NTNG2: variants seen among roughly 807,000 people sequenced by gnomAD.
NTNG2 encodes netrin G2.
In NTNG2, 15 loss-of-function variants were observed where a neutral mutation model predicts 47.6. The ratio of observed to expected loss-of-function variants is 0.32; its 90% confidence interval spans 0.21 to 0.49. The LOEUF (loss-of-function observed/expected upper bound fraction) is 0.49, where lower values mean the gene tolerates loss of function less well. NTNG2 is among the 20% of genes least tolerant of loss of function. NTNG2 has a pLI of 0.99. For missense variants in NTNG2, 578 were observed against 764.6 expected (o/e 0.76, Z 2.88); for synonymous variants, 307 against 324.6 (o/e 0.95, Z 0.58).
At chr9:132,241,162 G>T (rs1209611533) in intron 7 of NTNG2, 118 bp downstream of exon 7, 2 of 1,296,248 alleles carry the variant, frequency 1.5e-6, no homozygotes, top group Non-Finnish European at 2.1e-6. Context: ...CTAGCAAGAC[G>T]GGGCAGGGCC....
chr9:132,174,853 T>G (rs1836294620), intron 2 of NTNG2, among the ~76,000 whole-genome samples: 1 of 150,238 alleles, frequency 6.7e-6, no homozygotes, highest in Non-Finnish European at 1.5e-5. Flanking sequence ...ACCTGGGAGG[T>G]GGGGTTTGTA....
rs144232110 is a variant in NTNG2, at chr9:132,212,331, C to T, written c.857+13722C>T. Among the ~76,000 whole-genome samples, 1,107 of 152,292 alleles carry T rather than the reference C, an allele frequency of 7.3e-3. 28 individuals carry two copies. Among genetic ancestry groups the T allele is most frequent in the Admixed American group, 0.042 (644 of 15,298 alleles). On this transcript the variant is annotated intron_variant, in intron 3 of 7. Coordinates refer to ENST00000393229, the MANE Select transcript of NTNG2 (RefSeq NM_032536.4). The stretch of plus-strand genomic sequence containing the variant: ...CCGCACACCCAAGCCTCCCAGCACC[C>T]GCCCGTCAGCCTCTGTGTTGTGTGC...
At position 132,237,966 on chromosome 9, in the gene NTNG2, C is replaced by T. The variant is rs570598062; in HGVS notation, c.1055-1138C>T. 2.0e-5 allele frequency among the ~76,000 whole-genome samples: 3 copies of T among 152,316 alleles called. No homozygotes were observed. In the South Asian group the frequency reaches 6.2e-4, roughly 32 times the overall value. ...GCCCACAGGTGGGAGTGCCCACCAT[C>T]TCTCCTGGGCACAGGCTGTTTCTCT... On this transcript the variant is annotated intron_variant, in intron 5 of 7. Coordinates refer to ENST00000393229, the MANE Select transcript of NTNG2 (RefSeq NM_032536.4).
intron 2 of NTNG2, among the ~76,000 whole-genome samples, chr9:132,176,273 C>G (rs1836446306): frequency 6.6e-6 from 1 of 152,156 alleles, no homozygotes; most frequent in Non-Finnish European, 1.5e-5. Context: ...CAATGTTGTG[C>G]AACCAGCATC....
chr9:132,198,353 C>T lies in NTNG2; in HGVS notation c.601C>T (p.Arg201Cys), dbSNP rs1357804822. The change falls in exon 3 of 8, where the codon CGC becomes TGC. Residue 201 changes from arginine to cysteine, a missense_variant. Transcript: ENST00000393229. ...HRVLCTEEYS[R>C]WAGSKKEKHV... is the part of the protein sequence containing the mutation. ...CGTGCTCTGCACCGAGGAGTACTCG[C>T]GCTGGGCAGGCTCCAAGAAGGAGAA... 3.1e-6 allele frequency: 5 copies of T among 1,612,898 alleles called. No individual in the cohort carries two copies. The highest frequency in any genetic ancestry group is 2.2e-5 in the East Asian group (1 of 44,880).
At chr9:132,196,351 CG>C (rs1838317163) in intron 2 of NTNG2, among the ~76,000 whole-genome samples, 2 of 152,084 alleles carry the variant, frequency 1.3e-5, no homozygotes, top group African/African-American at 4.8e-5. Flanking sequence ...CCACCACGCC[CG>C]GGTAATTTTT....
At chr9:132,220,368 T>TG (rs1215367004) in intron 3 of NTNG2, among the ~76,000 whole-genome samples, 1 of 152,182 alleles carries the variant, frequency 6.6e-6, no homozygotes. Flanking sequence ...TTATCTATTT[T>TG]TTTTTCTTCT....
At chr9:132,239,427 G>A (rs1281997459) in intron 6 of NTNG2, among the ~76,000 whole-genome samples, 156 bp downstream of exon 6, 1 of 152,224 alleles carries the variant, frequency 6.6e-6, no homozygotes, top group African/African-American at 2.4e-5. Flanking sequence ...CATCTCTAAG[G>A]ACAGAAAGCT....
chr9:132,185,420 GA>G (rs1837288621), intron 2 of NTNG2, among the ~76,000 whole-genome samples: 1 of 152,178 alleles, frequency 6.6e-6, no homozygotes, highest in Admixed American at 6.5e-5. Context: ...CCCCGGCACT[GA>G]AACCCTCACA....
At chr9:132,230,713 A>G in intron 5 of NTNG2, 118 bp downstream of exon 5, 3 of 1,018,528 alleles carry the variant, frequency 2.9e-6, no homozygotes, top group South Asian at 1.4e-5. Context: ...ACTTGGGCCT[A>G]TTCACTCCCT....
chr9:132,163,306 G>C lies in NTNG2; in HGVS notation c.-484+1067G>C, dbSNP rs1218150122. ...CTCGACCCCGCCCGCGGCCCGCCGG[G>C]ACCCACCCGGGAGCTGCTGCTCGCG... On this transcript the variant is annotated intron_variant, in intron 1 of 7. Coordinates refer to ENST00000393229, the MANE Select transcript of NTNG2 (RefSeq NM_032536.4). The surrounding 1 kb of genome is among the most constrained non-coding windows in gnomAD (Gnocchi z 7.2). Among the ~76,000 whole-genome samples, 1 of 151,520 alleles carries C rather than the reference G, an allele frequency of 6.6e-6. No homozygotes were observed. The highest frequency in any genetic ancestry group is 2.4e-5 in the African/African-American group (1 of 41,254).
rs897646112 is a variant in NTNG2, at chr9:132,215,206, A to G, written c.858-11643A>G. Among the ~76,000 whole-genome samples, 1 of 152,062 alleles carries G rather than the reference A, an allele frequency of 6.6e-6. No homozygotes were observed. Among genetic ancestry groups the G allele is most frequent in the African/African-American group, 2.4e-5 (1 of 41,402 alleles). On this transcript the variant is annotated intron_variant, in intron 3 of 7. Transcript: ENST00000393229. The surrounding 1 kb of genome is among the most constrained non-coding windows in gnomAD (Gnocchi z 4.2). Reference sequence around the variant, plus strand: ...CCACTGCACCAGGCCTAAAATTCAAATGTAACTCAGTGTCCTGTATTTTTA... The same window carrying G: ...CCACTGCACCAGGCCTAAAATTCAAGTGTAACTCAGTGTCCTGTATTTTTA...
chr9:132,180,773 A>T lies in NTNG2; in HGVS notation c.213+13729A>T, dbSNP rs749530960. ...GACCCAGAGGGGAGAAATGCAGGGAACCTACCCAGAAAACCCTGGAGCGGG... is the reference window on the plus strand; with the variant it reads ...GACCCAGAGGGGAGAAATGCAGGGATCCTACCCAGAAAACCCTGGAGCGGG... On this transcript the variant is annotated intron_variant, in intron 2 of 7. Coordinates refer to ENST00000393229, the MANE Select transcript of NTNG2 (RefSeq NM_032536.4). The surrounding 1 kb of genome is among the most constrained non-coding windows in gnomAD (Gnocchi z 4.2). Among the ~76,000 whole-genome samples, 1 of 152,206 alleles carries T rather than the reference A, an allele frequency of 6.6e-6. No individual in the cohort carries two copies. Among genetic ancestry groups the T allele is most frequent in the Non-Finnish European group, 1.5e-5 (1 of 68,022 alleles).
intron 3 of NTNG2, among the ~76,000 whole-genome samples, chr9:132,205,589 A>G (rs1488227656): frequency 1.3e-5 from 2 of 152,154 alleles, no homozygotes; most frequent in African/African-American, 4.8e-5. Context: ...ACACTTAACA[A>G]TGGTAAGGTG....
chr9:132,240,462 C>T, intron 6 of NTNG2: 1 of 217,972 alleles, frequency 4.6e-6, no homozygotes, highest in African/African-American at 2.4e-5. Flanking sequence ...ACCCCGGGAG[C>T]AGGAATAGGC....
Position 132,243,831 on chromosome 9 carries a change from A to G in NTNG2, c.*1720A>G, listed in dbSNP as rs573268411. 2 of 152,352 alleles carry G rather than the reference A, an allele frequency of 1.3e-5. No individual in the cohort carries two copies. Among genetic ancestry groups the G allele is most frequent in the East Asian group, 3.9e-4 (2 of 5,174 alleles). The allele number at this position is 152,352 out of a possible 1,614,324, so 9.4% of individuals were successfully genotyped here. ...ACTGCATAGGACTCACAGTGTCCCG[A>G]GCCCACACACCAGCCCCTCCTGGCC... On this transcript the variant is annotated 3_prime_UTR_variant, in exon 8 of 8. Transcript: ENST00000393229.
At chr9:132,185,408 C>A (rs113587823) in intron 2 of NTNG2, among the ~76,000 whole-genome samples, 1 of 152,194 alleles carries the variant, frequency 6.6e-6, no homozygotes, top group Non-Finnish European at 1.5e-5. Context: ...TCCCTCACCC[C>A]ACCCCGGCAC....
In NTNG2 at chr9:132,182,439, G is replaced by C. The variant is rs1313576901; in HGVS notation, c.213+15395G>C. Among the ~76,000 whole-genome samples, 3 of 152,196 alleles carry C rather than the reference G, an allele frequency of 2.0e-5. 1 individual carries two copies. Among genetic ancestry groups the C allele is most frequent in the Admixed American group, 2.0e-4 (3 of 15,286 alleles). On this transcript the variant is annotated intron_variant, in intron 2 of 7. Transcript: ENST00000393229. This position sits in a 1 kb window ranked among gnomAD's most constrained non-coding sequence, Gnocchi z 4.2. ...GGGTTGGCCGCCTCTCAGCCTAGAG[G>C]AGGGGCACTGGAAGGAGGAGGCCCA... is the stretch of plus-strand genomic sequence containing the variant.
At position 132,166,978 on chromosome 9, in the gene NTNG2, C is replaced by T. The variant is rs147027342; in HGVS notation, c.147C>T (p.Tyr49=). 1.3e-4 allele frequency: 215 copies of T among 1,614,250 alleles called. 2 individuals are homozygous for T. The highest frequency in any genetic ancestry group is 6.6e-4 in the Middle Eastern group (4 of 6,062). ...CQPKVMRLKD[Y]VKVKVEPSGI... ...CCAAGGTGATGCGCCTGAAGGACTA[C>T]GTCAAGGTGAAGGTGGAGCCCTCAG... The change falls in exon 2 of 8, where the codon TAC becomes TAT. Residue 49 remains tyrosine, a synonymous_variant. Coordinates refer to ENST00000393229, the MANE Select transcript of NTNG2 (RefSeq NM_032536.4).
Sources: allele counts gnomAD v4.1 joint callset (sites outside exome capture counted in the v4.1 genomes callset), GRCh38; gene constraint gnomAD v4.1.1; non-coding constraint Gnocchi (gnomAD v3.1); transcripts MANE v1.5; gene names NCBI Gene and HGNC (gene_info 2026-07-23, HGNC 2026-07-21).